ZNF343: variants seen among roughly 807,000 people sequenced by gnomAD.
ZNF343 encodes the protein zinc finger protein 343.
Under a neutral mutation model 13.8 loss-of-function variants are expected in ZNF343, and 11 were observed. The ratio of observed to expected loss-of-function variants is 0.80; its 90% CI spans 0.50 to 1.32. The LOEUF (loss-of-function observed/expected upper bound fraction) is 1.32. Among genes scored for constraint, ZNF343 ranks in the 40% most tolerant of loss-of-function variants. ZNF343 has a pLI of 0.00. For synonymous variants in ZNF343, 248 were observed against 260.0 expected (o/e 0.95, Z 0.44); for missense variants, 658 against 714.2 (o/e 0.92, Z 0.90).
At chr20:2,485,017 C>T (rs1194714094) in intron 5 of ZNF343, among the ~76,000 whole-genome samples, 1 of 152,052 alleles carries the variant, frequency 6.6e-6, no homozygotes, top group Non-Finnish European at 1.5e-5. Flanking sequence ...GTGGAAATCT[C>T]CTTCATGACT....
intron 1 of ZNF343, among the ~76,000 whole-genome samples, chr20:2,514,535 A>G (rs569451056): frequency 1.3e-5 from 2 of 152,368 alleles, no homozygotes; most frequent in East Asian, 3.9e-4. Flanking sequence ...ATAGCCATAC[A>G]TGTTCTCAAA....
At chr20:2,519,600 GTATACGCATATACATACACATTC>G (rs966998699) in intron 1 of ZNF343, among the ~76,000 whole-genome samples, 3 of 152,156 alleles carry the variant, frequency 2.0e-5, no homozygotes, top group African/African-American at 7.2e-5. Context: ...GCATGTGTGT[GTATACGCATATACATACACATTC>G]TATTGGTTCT....
intron 1 of ZNF343, among the ~76,000 whole-genome samples, chr20:2,516,120 G>A (rs893621704): frequency 2.0e-5 from 3 of 152,094 alleles, no homozygotes; most frequent in African/African-American, 7.2e-5. Flanking sequence ...ATCAAGGTTG[G>A]GGTTTGGGAG....
chr20:2,520,434 A>G (rs540922499), intron 1 of ZNF343, among the ~76,000 whole-genome samples: 1 of 152,100 alleles, frequency 6.6e-6, no homozygotes, highest in Non-Finnish European at 1.5e-5. Flanking sequence ...GAGGTTAGAG[A>G]TCAGCCTGGA....
upstream of ZNF343, among the ~76,000 whole-genome samples, chr20:2,511,713 AC>A (rs1439767558): frequency 6.6e-6 from 1 of 152,226 alleles, no homozygotes; most frequent in Non-Finnish European, 1.5e-5. Context: ...GCAATGTTTT[AC>A]TTGCCCCTCG....
chr20:2,494,772 GA>G (rs36059987), intron 2 of ZNF343, among the ~76,000 whole-genome samples: 438 of 144,144 alleles, frequency 3.0e-3, no homozygotes, highest in Non-Finnish European at 4.2e-3. Flanking sequence ...CCTGTCTCAA[GA>G]AAAAAAAAAA....
chr20:2,491,534 C>T (rs1374188185), intron 5 of ZNF343, among the ~76,000 whole-genome samples: 1 of 152,046 alleles, frequency 6.6e-6, no homozygotes, highest in Non-Finnish European at 1.5e-5. Context: ...TTTGTATCAC[C>T]TACAAGCTAA....
chr20:2,507,273 A>G (rs1005985434), intron 1 of ZNF343, among the ~76,000 whole-genome samples: 2 of 151,734 alleles, frequency 1.3e-5, no homozygotes, highest in African/African-American at 4.9e-5. Context: ...TCAAAAAAAA[A>G]AAAAAAAAAA....
intron 2 of ZNF343, among the ~76,000 whole-genome samples, chr20:2,498,957 A>C (rs181028031): frequency 6.7e-6 from 1 of 150,050 alleles, no homozygotes; most frequent in African/African-American, 2.4e-5. Flanking sequence ...CTCCCATCTC[A>C]GCCTCCTGAG....
chr20:2,522,207 C>T (rs2085785556), intron 1 of ZNF343, among the ~76,000 whole-genome samples: 2 of 152,190 alleles, frequency 1.3e-5, no homozygotes, highest in Non-Finnish European at 2.9e-5. Context: ...TTAGTACTGA[C>T]TACATGGAGT....
Position 2,484,469 on chromosome 20 carries a change from C to A in ZNF343, c.492G>T (p.Trp164Cys). The change falls in exon 6 of 6, where the codon TGG becomes TGT. Residue 164 changes from tryptophan (W) to cysteine (C), a missense_variant. By Grantham distance (215) the Trp-to-Cys change is radical. Transcript: ENST00000278772. ...TCTCCTGACCTTCTGCATTTTCAAACCAACAGCTTACATGGGAATACTGCT... is the reference window on the plus strand; with the variant it reads ...TCTCCTGACCTTCTGCATTTTCAAAACAACAGCTTACATGGGAATACTGCT... Reference protein sequence around the residue: ...QGQQYSHVSCWFENAEGQERG... With the variant: ...QGQQYSHVSCCFENAEGQERG... 1.2e-6 allele frequency: 2 copies of A among 1,614,216 alleles called. No homozygotes were observed. Among genetic ancestry groups the A allele is most frequent in the South Asian group, 2.2e-5 (2 of 91,080 alleles).
chr20:2,521,218 AC>A (rs2085780852), intron 1 of ZNF343, among the ~76,000 whole-genome samples: 1 of 152,038 alleles, frequency 6.6e-6, no homozygotes, highest in African/African-American at 2.4e-5. Flanking sequence ...GAGTGGACTT[AC>A]CCCCTGGGCA....
intron 2 of ZNF343, among the ~76,000 whole-genome samples, chr20:2,498,300 G>A (rs1237809172): frequency 6.6e-6 from 1 of 152,224 alleles, no homozygotes; most frequent in Non-Finnish European, 1.5e-5. Context: ...AGGTTGCGGT[G>A]AGCCGAGATA....
chr20:2,513,305 CAA>C (rs1389678163), upstream of ZNF343, among the ~76,000 whole-genome samples: 3 of 152,018 alleles, frequency 2.0e-5, no homozygotes, highest in African/African-American at 7.3e-5. Flanking sequence ...GCAAAGGACT[CAA>C]ATAAACATTT....
At chr20:2,511,643 G>A (rs2085739705), upstream of ZNF343, among the ~76,000 whole-genome samples, 1 of 152,138 alleles carries the variant, frequency 6.6e-6, no homozygotes, top group Admixed American at 6.6e-5. Flanking sequence ...ATTTTGCTAT[G>A]GACATAAAAT....
chr20:2,485,625 T>C (rs573856844), intron 5 of ZNF343, among the ~76,000 whole-genome samples: 3 of 152,402 alleles, frequency 2.0e-5, no homozygotes, highest in South Asian at 2.1e-4. Flanking sequence ...CCTTTTATTT[T>C]TCCCCCTTGC....
At position 2,504,162 on chromosome 20, in the gene ZNF343, G is replaced by A. The variant is rs1231464547; in HGVS notation, c.-236-3420C>T. Among the ~76,000 whole-genome samples, 88 of 152,142 alleles carry A rather than the reference G, an allele frequency of 5.8e-4. 1 individual carries two copies. The highest frequency in any genetic ancestry group is 3.3e-3 in the East Asian group (17 of 5,182). ...TGATCCCATAGAAATACAAACTACCGTCAGAGAATACTATAAACACCTCTA... is the reference window on the plus strand; with the variant it reads ...TGATCCCATAGAAATACAAACTACCATCAGAGAATACTATAAACACCTCTA... On this transcript the variant is annotated intron_variant, in intron 1 of 5. Transcript: ENST00000278772.
At chr20:2,514,925 GTTGCAGTGAGCCAAGTGAGCTGAGA>G (rs1470087397) in intron 1 of ZNF343, among the ~76,000 whole-genome samples, 5 of 151,786 alleles carry the variant, frequency 3.3e-5, no homozygotes, top group Non-Finnish European at 7.4e-5. Context: ...GGAGGCGGAG[GTTGCAGTGAGCCAAGTGAGCTGAGA>G]TTGCACCACT....
intron 5 of ZNF343, among the ~76,000 whole-genome samples, chr20:2,489,423 TGAA>T (rs2085331658): frequency 1.3e-5 from 2 of 152,050 alleles, no homozygotes; most frequent in Admixed American, 1.3e-4. Context: ...AGCCCATCTC[TGAA>T]GAAGGATTCT....
Sources: gnomAD v4.1 joint callset for allele counts (sites outside exome capture counted in the v4.1 genomes callset) on GRCh38, gnomAD v4.1.1 for gene constraint, MANE v1.5 for transcripts, NCBI Gene and HGNC (gene_info 2026-07-23, HGNC 2026-07-21) for gene names.